Variants in ZCCHC10 observed in about 807,000 individuals in gnomAD.
The protein encoded by ZCCHC10 is zinc finger CCHC-type containing 10.
In ZCCHC10, 16 loss-of-function variants were observed where a neutral mutation model predicts 19.5. The ratio of observed to expected loss-of-function variants is 0.82; its 90% confidence interval spans 0.56 to 1.25. The LOEUF is 1.25. Ranked by LOEUF, ZCCHC10 falls within the 50% of genes most tolerant of loss-of-function variation. The probability of loss-of-function intolerance (pLI) is 0.00; values close to 1 mark genes in which losing one functional copy is unlikely to be tolerated. For missense variants in ZCCHC10, 197 were observed against 201.0 expected, an observed-to-expected ratio of 0.98 and a Z score of 0.12; for synonymous variants, 67 against 72.5, an observed-to-expected ratio of 0.92 and a Z score of 0.38.
intron 4 of ZCCHC10, among the ~76,000 whole-genome samples, chr5:132,999,564 AC>A (rs1431951785): frequency 6.6e-6 from 1 of 152,160 alleles, no homozygotes; most frequent in Non-Finnish European, 1.5e-5. Flanking sequence ...GTCTATTAAC[AC>A]TTCCTATTCT....
chr5:133,006,993 AT>A (rs1179614516), intron 2 of ZCCHC10, 73 bp from the exon 3 acceptor site: 6 of 1,372,340 alleles, frequency 4.4e-6, no homozygotes, highest in East Asian at 2.5e-5. Flanking sequence ...CTATAAAAAA[AT>A]ATAAAGGATA....
At chr5:132,999,796 G>A (rs1762647057) in intron 4 of ZCCHC10, among the ~76,000 whole-genome samples, 1 of 152,152 alleles carries the variant, frequency 6.6e-6, no homozygotes, top group Non-Finnish European at 1.5e-5. Flanking sequence ...TGCCCAGGCT[G>A]GAGTGTAATG....
chr5:133,006,831 T>C lies in ZCCHC10; in HGVS notation c.197A>G (p.His66Arg), dbSNP rs1278044024. 19 of 1,612,652 alleles carry C rather than the reference T, an allele frequency of 1.2e-5. No homozygotes were observed. Among genetic ancestry groups the C allele is most frequent in the Non-Finnish European group, 1.5e-5 (18 of 1,179,664 alleles). The change falls in exon 3 of 5, where the codon CAT (histidine) becomes CGT (arginine). Residue 66 changes from histidine to arginine, a missense_variant. His to Arg is a conservative substitution (Grantham distance 29). Transcript: ENST00000509437. ...TAGTTCTGCTGTCCTTGAGGGCCTATGTAGGTATTTTCTTTTTCCTGTGCA... is the reference window on the plus strand; with the variant it reads ...TAGTTCTGCTGTCCTTGAGGGCCTACGTAGGTATTTTCTTTTTCCTGTGCA... The part of the protein sequence containing the change: ...YECTGKRKYL[H>R]RPSRTAELKK...
At chr5:133,009,613 CAAA>C (rs59555378) in intron 2 of ZCCHC10, among the ~76,000 whole-genome samples, 5 of 55,540 alleles carry the variant, frequency 9.0e-5, no homozygotes, top group Admixed American at 2.3e-4. Flanking sequence ...GACTCCGTCT[CAAA>C]AAAAAAAAAA....
chr5:133,014,571 C>T (rs1431223507), intron 2 of ZCCHC10, among the ~76,000 whole-genome samples: 2 of 152,172 alleles, frequency 1.3e-5, no homozygotes, highest in Non-Finnish European at 2.9e-5. Flanking sequence ...CTTTAGTCTC[C>T]TTCAGTAGGG....
At chr5:133,020,026 G>T (rs1037515949) in intron 2 of ZCCHC10, among the ~76,000 whole-genome samples, 4 of 149,388 alleles carry the variant, frequency 2.7e-5, no homozygotes, top group Non-Finnish European at 5.9e-5. Flanking sequence ...AAATACCTAA[G>T]AATCCAAACA....
intron 3 of ZCCHC10, chr5:133,003,274 C>T (rs1762891571): frequency 4.3e-6 from 2 of 460,344 alleles, no homozygotes; most frequent in Non-Finnish European, 8.6e-6. Flanking sequence ...TAACCCAGAG[C>T]CCTGAACAAA....
In ZCCHC10 at chr5:133,006,852, G is replaced by A. The variant is rs970866595; in HGVS notation, c.176C>T (p.Thr59Ile). The A allele has an allele frequency of 2.5e-6, 4 of 1,612,342 alleles. No homozygotes were observed. Among genetic ancestry groups the A allele is most frequent in the African/African-American group, 1.3e-5 (1 of 74,750 alleles). ...LEFGHWTYEC[T>I]GKRKYLHRPS... ...CCTATGTAGGTATTTTCTTTTTCCTGTGCATTCATAAGTCCAATGTCCAAA... is the reference window on the plus strand; with the variant it reads ...CCTATGTAGGTATTTTCTTTTTCCTATGCATTCATAAGTCCAATGTCCAAA... Residue 59 changes from threonine (T) to isoleucine (I), a missense_variant, in exon 3 of 5, where the codon ACA becomes ATA. Coordinates refer to ENST00000509437, the MANE Select transcript of ZCCHC10 (RefSeq NM_001300816.3).
intron 2 of ZCCHC10, among the ~76,000 whole-genome samples, chr5:133,015,458 T>C (rs1252508654): frequency 5.3e-5 from 8 of 152,184 alleles, no homozygotes; most frequent in Non-Finnish European, 1.2e-4. Flanking sequence ...GTAATTCCCC[T>C]CTCCTTGGGT....
intron 3 of ZCCHC10, among the ~76,000 whole-genome samples, chr5:133,006,058 C>G (rs1763101879): frequency 6.8e-6 from 1 of 147,126 alleles, no homozygotes; most frequent in African/African-American, 2.5e-5. Context: ...AATCTCAGCT[C>G]ACCAAAACTT....
chr5:133,010,854 C>T (rs1038248619), intron 2 of ZCCHC10, among the ~76,000 whole-genome samples: 1 of 151,778 alleles, frequency 6.6e-6, no homozygotes, highest in Admixed American at 6.6e-5. Flanking sequence ...TGCAATGGCG[C>T]AATCTCAGGT....
Position 133,009,324 on chromosome 5 carries a change from AC to A in ZCCHC10, c.108-2405del, listed in dbSNP as rs1453651856. On this transcript the variant is annotated intron_variant, in intron 2 of 4. Coordinates refer to ENST00000509437, the MANE Select transcript of ZCCHC10 (RefSeq NM_001300816.3). The stretch of plus-strand genomic sequence containing the variant: ...TGCCTGATTCTGTCTCTTAAAAAAA[AC>A]CAAAAAAGATGGCCAGGTGCGGTGG... Among the ~76,000 whole-genome samples, 9 of 151,868 alleles carry A rather than the reference AC, an allele frequency of 5.9e-5. No individual in the cohort carries two copies. The South Asian group carries it at 1.2e-3, about 21-fold the overall frequency.
At chr5:133,006,973 A>G in intron 2 of ZCCHC10, 53 bp from the exon 3 acceptor site, 1 of 1,474,094 alleles carries the variant, frequency 6.8e-7, no homozygotes, top group South Asian at 1.4e-5. Flanking sequence ...TGTGACTTTC[A>G]CCCTAAAAAC....
chr5:133,023,752 C>T (rs1053874630), intron 1 of ZCCHC10, among the ~76,000 whole-genome samples: 3 of 145,542 alleles, frequency 2.1e-5, no homozygotes, highest in Non-Finnish European at 1.5e-5. Flanking sequence ...GCCTGGGCAA[C>T]AAGAGCAAAA....
intron 2 of ZCCHC10, among the ~76,000 whole-genome samples, chr5:133,013,037 G>A (rs1350222379): frequency 6.9e-6 from 1 of 145,614 alleles, no homozygotes; most frequent in South Asian, 2.2e-4. Flanking sequence ...GGTGACAGAG[G>A]GAGACTCCGT....
intron 3 of ZCCHC10, among the ~76,000 whole-genome samples, chr5:133,004,775 C>G (rs1763002736): frequency 6.6e-6 from 1 of 151,980 alleles, no homozygotes; most frequent in Admixed American, 6.6e-5. Context: ...CAGGTGTAAG[C>G]CACCGTGCCC....
intron 2 of ZCCHC10, among the ~76,000 whole-genome samples, chr5:133,012,895 A>C (rs1561545993): frequency 6.6e-6 from 1 of 151,826 alleles, no homozygotes; most frequent in Non-Finnish European, 1.5e-5. Context: ...TTAAAAATAC[A>C]AAAAAATTAG....
intron 3 of ZCCHC10, 49 bp from the exon 4 acceptor site, chr5:133,000,222 C>T (rs1251881776): frequency 1.2e-6 from 2 of 1,606,046 alleles, no homozygotes; most frequent in Non-Finnish European, 1.7e-6. Context: ...AGTGATTATA[C>T]ACAGCTCAGA....
intron 1 of ZCCHC10, among the ~76,000 whole-genome samples, chr5:133,024,971 C>T (rs1243112845): frequency 1.3e-5 from 2 of 152,060 alleles, no homozygotes; most frequent in Non-Finnish European, 2.9e-5. Flanking sequence ...ACTCTAACTC[C>T]CTAAGTCTGT....
Sources: allele counts gnomAD v4.1 joint callset (sites outside exome capture counted in the v4.1 genomes callset), GRCh38; gene constraint gnomAD v4.1.1; transcripts MANE v1.5; gene names NCBI Gene and HGNC (gene_info 2026-07-23, HGNC 2026-07-21).